Variants in SH3D19 observed in about 807,000 individuals in gnomAD.
SH3D19 encodes SH3 domain containing 19, also known as SH3 domain-containing protein 19.
A neutral mutation model predicts 112.1 loss-of-function variants in SH3D19; 58 were observed. The ratio of observed to expected loss-of-function variants is 0.52; its 90% confidence interval spans 0.42 to 0.64. The LOEUF is 0.64. Ranked by LOEUF, SH3D19 falls within the 30% of genes least tolerant of loss-of-function variation. The probability of loss-of-function intolerance (pLI) is 0.00; values close to 1 mark genes in which losing one functional copy is unlikely to be tolerated. For missense variants in SH3D19, 1,090 were observed against 1,263.4 expected (o/e 0.86, Z 2.08); for synonymous variants, 391 against 448.5 (o/e 0.87, Z 1.62).
At chr4:151,185,049 T>G (rs1352093513) in intron 3 of SH3D19, among the ~76,000 whole-genome samples, 10 of 149,014 alleles carry the variant, frequency 6.7e-5, no homozygotes, top group Admixed American at 1.3e-4. Context: ...TGTTTTTTTT[T>G]TTTTTTTTTT....
At chr4:151,308,342 G>C (rs1729121130) in intron 1 of SH3D19, among the ~76,000 whole-genome samples, 1 of 152,236 alleles carries the variant, frequency 6.6e-6, no homozygotes, top group African/African-American at 2.4e-5. Context: ...ATTGCTGAAA[G>C]TCAGAGTGGT....
intron 1 of SH3D19, among the ~76,000 whole-genome samples, chr4:151,309,895 T>C (rs1580462957): frequency 6.6e-6 from 1 of 151,466 alleles, no homozygotes; most frequent in African/African-American, 2.4e-5. Context: ...AAGGCTGAGG[T>C]GGGAGGATTT....
At position 151,217,830 on chromosome 4, in the gene SH3D19, A is replaced by T. The variant is rs186110103; in HGVS notation, c.152+8217T>A. Among the ~76,000 whole-genome samples the T allele has an allele frequency of 2.6e-5, 4 of 152,328 alleles. No individual in the cohort carries two copies. The East Asian group carries it at 7.7e-4, about 29-fold the overall frequency. Reference sequence around the variant, plus strand: ...GTTACACTGGAAAATTTTATGCAGTAGTTAAAAAAATAATGAAGTGGAAAC... The same window carrying T: ...GTTACACTGGAAAATTTTATGCAGTTGTTAAAAAAATAATGAAGTGGAAAC... On this transcript the variant is annotated intron_variant, in intron 2 of 19. Transcript: ENST00000604030.
chr4:151,212,910 G>A (rs573747611), intron 2 of SH3D19, among the ~76,000 whole-genome samples: 4 of 152,202 alleles, frequency 2.6e-5, no homozygotes, highest in Non-Finnish European at 4.4e-5. Flanking sequence ...GGAGGGCAAC[G>A]TAACAACATT....
intron 2 of SH3D19, among the ~76,000 whole-genome samples, chr4:151,210,661 A>G (rs986465154): frequency 2.6e-5 from 4 of 152,142 alleles, no homozygotes; most frequent in Non-Finnish European, 4.4e-5. Flanking sequence ...TCGGCTTCCC[A>G]AAGTGCTGGG....
At chr4:151,236,879 T>C (rs552109294) in intron 1 of SH3D19, among the ~76,000 whole-genome samples, 1 of 152,184 alleles carries the variant, frequency 6.6e-6, no homozygotes, top group African/African-American at 2.4e-5. Context: ...TAAAACGGAC[T>C]AATCAGCTCT....
At chr4:151,199,366 C>T (rs1764057182) in intron 2 of SH3D19, among the ~76,000 whole-genome samples, 2 of 151,930 alleles carry the variant, frequency 1.3e-5, no homozygotes, top group African/African-American at 4.8e-5. Flanking sequence ...CTTTTATCAG[C>T]CTCAGTTTAA....
rs770402637 is a variant in SH3D19, at chr4:151,174,859, G to A, written c.1345C>T (p.Arg449Ter). The A allele has an allele frequency of 3.1e-6, 5 of 1,601,978 alleles. No homozygotes were observed. The highest frequency in any genetic ancestry group is 1.7e-5 in the Admixed American group (1 of 58,754). The change falls in exon 7 of 20, where the codon CGA becomes TGA. Residue 449 changes from arginine to a stop codon, truncating the protein, a stop_gained. Transcript: ENST00000604030. LOFTEE classifies it high-confidence loss of function. ...APLKPVTVPP[R>*]LAGASQAKAY... ...TTGGCTTGTGATGCCCCTGCGAGTC[G>A]GGGAGGAACAGTGACAGGTTTCAGT...
intron 2 of SH3D19, among the ~76,000 whole-genome samples, chr4:151,221,388 C>G (rs548379478): frequency 5.3e-5 from 8 of 152,338 alleles, no homozygotes; most frequent in African/African-American, 1.7e-4. Flanking sequence ...GCTTGATGCA[C>G]TGCTGGCCTG....
At chr4:151,281,322 G>A (rs754747204) in intron 1 of SH3D19, among the ~76,000 whole-genome samples, 8 of 152,100 alleles carry the variant, frequency 5.3e-5, no homozygotes, top group Admixed American at 2.0e-4. Flanking sequence ...GAAGCAAAAC[G>A]TTTTATAAGA....
At chr4:151,318,838 G>T (rs1730266806) in intron 1 of SH3D19, among the ~76,000 whole-genome samples, 1 of 152,104 alleles carries the variant, frequency 6.6e-6, no homozygotes, top group African/African-American at 2.4e-5. Flanking sequence ...AACCAAGACA[G>T]TCTGATTCTC....
intron 3 of SH3D19, among the ~76,000 whole-genome samples, chr4:151,182,264 C>A (rs1003419388): frequency 6.6e-6 from 1 of 152,154 alleles, no homozygotes. Context: ...GCTAGGATTA[C>A]AGGCATGAGC....
chr4:151,161,644 T>TTTTTA (rs58967463), intron 8 of SH3D19, among the ~76,000 whole-genome samples: 32 of 148,554 alleles, frequency 2.2e-4, no homozygotes, highest in Admixed American at 1.0e-3. Context: ...ATATATATTT[T>TTTTTA]AATTATACTT....
intron 11 of SH3D19, chr4:151,144,272 C>T (rs367960670): frequency 1.9e-6 from 3 of 1,613,974 alleles, no homozygotes; most frequent in African/African-American, 1.3e-5. Context: ...ATTGGCAATT[C>T]CATGAGGCAC....
At chr4:151,248,842 G>A (rs533965758) in intron 1 of SH3D19, among the ~76,000 whole-genome samples, 6 of 152,102 alleles carry the variant, frequency 3.9e-5, no homozygotes, top group East Asian at 1.9e-4. Context: ...TGCAAACAAC[G>A]CACTTCAATG....
At chr4:151,304,922 T>A (rs1005563450) in intron 1 of SH3D19, among the ~76,000 whole-genome samples, 1 of 152,176 alleles carries the variant, frequency 6.6e-6, no homozygotes, top group African/African-American at 2.4e-5. Context: ...CAAGAGCCCA[T>A]CTGCATAAGC....
intron 1 of SH3D19, chr4:151,300,576 A>G (rs1302088223): frequency 6.6e-6 from 1 of 152,046 alleles, no homozygotes; most frequent in Non-Finnish European, 1.5e-5. Context: ...TAGCATGGCA[A>G]GGGTGACATG....
At chr4:151,130,040 T>C (rs1433098805) in intron 17 of SH3D19, among the ~76,000 whole-genome samples, 1 of 152,204 alleles carries the variant, frequency 6.6e-6, no homozygotes, top group Non-Finnish European at 1.5e-5. Flanking sequence ...TGTTTCACTT[T>C]ATCAGTGGGT....
intron 1 of SH3D19, among the ~76,000 whole-genome samples, chr4:151,257,370 G>T (rs1053030030): frequency 6.6e-5 from 10 of 152,282 alleles, no homozygotes; most frequent in Middle Eastern, 3.4e-3. Context: ...TTACAGGAGT[G>T]AGTCACCATG....
Sources: gnomAD v4.1 joint callset for allele counts (sites outside exome capture counted in the v4.1 genomes callset) on GRCh38, gnomAD v4.1.1 for gene constraint, MANE v1.5 for transcripts, NCBI Gene and HGNC (gene_info 2026-07-23, HGNC 2026-07-21) for gene names.